Variants in DTNA observed in about 807,000 individuals in gnomAD.
The protein encoded by DTNA is dystrophin-related protein 3.
Under a neutral mutation model 100.7 loss-of-function variants are expected in DTNA, and 43 were observed. That is an observed-to-expected ratio of 0.43 (90% CI 0.33 to 0.55). The LOEUF (loss-of-function observed/expected upper bound fraction) is 0.55, where lower values mean the gene tolerates loss of function less well. DTNA is among the 20% of genes least tolerant of loss of function. The probability of loss-of-function intolerance (pLI) is 0.04; values close to 1 mark genes in which losing one functional copy is unlikely to be tolerated. For synonymous variants in DTNA, 349 were observed against 347.9 expected (o/e 1.00, Z -0.04); for missense variants, 798 against 953.9 (o/e 0.84, Z 2.15).
intron 19 of DTNA, among the ~76,000 whole-genome samples, chr18:34,878,157 C>T (rs889030642): frequency 2.6e-5 from 4 of 151,996 alleles, no homozygotes; most frequent in Non-Finnish European, 4.4e-5. Flanking sequence ...TTGTTGTTTT[C>T]ATAGAGACAG....
intron 1 of DTNA, among the ~76,000 whole-genome samples, chr18:34,538,021 A>G (rs548282925): frequency 1.3e-5 from 2 of 152,202 alleles, no homozygotes; most frequent in African/African-American, 4.8e-5. Flanking sequence ...AGTGTAAGAA[A>G]TAAATTCATT....
intron 1 of DTNA, among the ~76,000 whole-genome samples, chr18:34,684,866 T>C (rs2078651801): frequency 6.6e-6 from 1 of 152,252 alleles, no homozygotes; most frequent in African/African-American, 2.4e-5. Flanking sequence ...GGTATCTCAT[T>C]GTGGTTTTGA....
chr18:34,629,670 T>G (rs1338855554), intron 1 of DTNA, among the ~76,000 whole-genome samples: 1 of 152,174 alleles, frequency 6.6e-6, no homozygotes, highest in Admixed American at 6.5e-5. Context: ...TGCAACCTCT[T>G]TAGTCCTCCA....
chr18:34,771,481 T>TA (rs916017140), intron 3 of DTNA, among the ~76,000 whole-genome samples: 23 of 151,700 alleles, frequency 1.5e-4, no homozygotes, highest in African/African-American at 5.4e-4. Context: ...GCCTGAGTGA[T>TA]AGAGTGAGAC....
At chr18:34,591,517 C>T (rs1041380563) in intron 1 of DTNA, among the ~76,000 whole-genome samples, 1 of 152,130 alleles carries the variant, frequency 6.6e-6, no homozygotes. Flanking sequence ...CATTGATGGC[C>T]GCACGTCTGT....
intron 1 of DTNA, among the ~76,000 whole-genome samples, chr18:34,696,961 T>C (rs374043955): frequency 6.6e-6 from 1 of 152,170 alleles, no homozygotes; most frequent in African/African-American, 2.4e-5. Context: ...GTAGGCATTT[T>C]TGATTGATGC....
At chr18:34,782,962 G>C (rs936185422) in intron 3 of DTNA, among the ~76,000 whole-genome samples, 37 of 152,182 alleles carry the variant, frequency 2.4e-4, no homozygotes, top group African/African-American at 8.7e-4. Flanking sequence ...TGTAGGGAAT[G>C]ATAAGACCAC....
Position 34,552,149 on chromosome 18 carries a change from A to C in DTNA, c.-2+58635A>C, listed in dbSNP as rs767645571. Among the ~76,000 whole-genome samples the C allele has an allele frequency of 1.2e-3, 182 of 152,104 alleles. 3 individuals are homozygous for C. The highest frequency in any genetic ancestry group is 1.7e-3 in the Admixed American group (26 of 15,250). ...ATGTTTAAATTTTCTTCAGAAATTA[A>C]TATAACTCATATTTTTCCATCGTTA... On this transcript the variant is annotated intron_variant, in intron 1 of 19. Transcript: ENST00000283365.
chr18:34,531,671 CAGTT>C (rs1307923007), intron 1 of DTNA, among the ~76,000 whole-genome samples: 1 of 152,080 alleles, frequency 6.6e-6, no homozygotes, highest in Non-Finnish European at 1.5e-5. Context: ...GTGAACACCA[CAGTT>C]AGTTTCTGTC....
At chr18:34,724,423 C>G (rs573818906) in intron 1 of DTNA, among the ~76,000 whole-genome samples, 7 of 152,170 alleles carry the variant, frequency 4.6e-5, no homozygotes, top group Non-Finnish European at 7.3e-5. Flanking sequence ...ATTTATTGAA[C>G]AGCAGTTTGA....
intron 1 of DTNA, among the ~76,000 whole-genome samples, chr18:34,558,553 C>T (rs1238166187): frequency 6.6e-6 from 1 of 151,958 alleles, no homozygotes; most frequent in Non-Finnish European, 1.5e-5. Context: ...GAAAATAATA[C>T]ACAAATATGA....
At chr18:34,640,094 C>G (rs1224564773) in intron 1 of DTNA, among the ~76,000 whole-genome samples, 1 of 152,222 alleles carries the variant, frequency 6.6e-6, no homozygotes, top group East Asian at 1.9e-4. Context: ...ATCTAAGTTT[C>G]AAACTCTGCC....
chr18:34,555,118 C>T (rs1246801739), intron 1 of DTNA, among the ~76,000 whole-genome samples: 1 of 133,130 alleles, frequency 7.5e-6, no homozygotes, highest in Non-Finnish European at 1.6e-5. Context: ...GTGTATGTGT[C>T]GAGGAATTTA....
intron 1 of DTNA, among the ~76,000 whole-genome samples, chr18:34,656,884 T>G (rs74885902): frequency 0.014 from 2,183 of 152,266 alleles, 39 homozygotes; most frequent in African/African-American, 0.047. Flanking sequence ...TTTTTGTTTG[T>G]TTGTTTTTTT....
chr18:34,531,054 G>T (rs1036502397), intron 1 of DTNA, among the ~76,000 whole-genome samples: 2 of 152,138 alleles, frequency 1.3e-5, no homozygotes, highest in Non-Finnish European at 2.9e-5. Context: ...GAAAACCACT[G>T]ATGTGAGGTA....
At chr18:34,696,143 G>A (rs1025330078) in intron 1 of DTNA, among the ~76,000 whole-genome samples, 1 of 152,100 alleles carries the variant, frequency 6.6e-6, no homozygotes, top group Non-Finnish European at 1.5e-5. Flanking sequence ...CCATATGCTG[G>A]GACTTTCAAA....
chr18:34,550,060 G>A (rs938505555), intron 1 of DTNA, among the ~76,000 whole-genome samples: 1 of 152,046 alleles, frequency 6.6e-6, no homozygotes, highest in African/African-American at 2.4e-5. Flanking sequence ...ATCCCAAAGT[G>A]TTCTCTGGGA....
At chr18:34,642,510 TTTCTTTCC>T (rs560924092) in intron 1 of DTNA, among the ~76,000 whole-genome samples, 15 of 151,940 alleles carry the variant, frequency 9.9e-5, no homozygotes, top group East Asian at 3.9e-4. Context: ...CCTTCCTTTC[TTTCTTTCC>T]TTCTTTCCTT....
chr18:34,716,787 G>T (rs535762260), intron 1 of DTNA, among the ~76,000 whole-genome samples: 16 of 152,128 alleles, frequency 1.1e-4, no homozygotes, highest in Non-Finnish European at 2.2e-4. Context: ...ATGTTAAAGA[G>T]TAGAAAAGTC....
Sources: allele counts gnomAD v4.1 joint callset (sites outside exome capture counted in the v4.1 genomes callset), GRCh38; gene constraint gnomAD v4.1.1; transcripts MANE v1.5; gene names NCBI Gene and HGNC (gene_info 2026-07-23, HGNC 2026-07-21).